The following COL11A1 variants were observed in gnomAD, a reference collection of about 807,000 sequenced individuals.
The protein encoded by COL11A1 is collagen type XI alpha 1 chain.
A neutral mutation model predicts 265.2 loss-of-function variants in COL11A1; 74 were observed. The ratio of observed to expected loss-of-function variants is 0.28; its 90% CI spans 0.23 to 0.34. COL11A1 has a LOEUF of 0.34. Among genes scored for constraint, COL11A1 ranks in the 10% least tolerant of loss-of-function variants. The probability of loss-of-function intolerance (pLI) is 1.00; values close to 1 mark genes in which losing one functional copy is unlikely to be tolerated. For synonymous variants in COL11A1, 816 were observed against 727.6 expected (o/e 1.12, Z -1.96); for missense variants, 2,165 against 2,263.6 (o/e 0.96, Z 0.88).
chr1:103,008,645 A>G, intron 14 of COL11A1, 129 bp from the exon 15 acceptor site: 1 of 834,950 alleles, frequency 1.2e-6, no homozygotes, highest in East Asian at 2.7e-5. Flanking sequence ...TTAACTTATT[A>G]ATTAACACAG....
Position 102,879,837 on chromosome 1 carries a change from C to T in COL11A1, c.5120G>A (p.Arg1707Gln), listed in dbSNP as rs751989395. 20 of 1,613,722 alleles carry T rather than the reference C, an allele frequency of 1.2e-5. No homozygotes were observed. The highest frequency in any genetic ancestry group is 5.0e-5 in the Admixed American group (3 of 59,960). The part of the protein sequence containing the change: ...TFLKLLTASA[R>Q]QNFTYHCHQS... ...ATGACAGTGGTAGGTGAAATTTTGC[C>T]GAGCAGAGGCAGTCAGAAGTTTCAG... The change falls in exon 66 of 67, where the codon CGG (arginine) becomes CAG (glutamine). Residue 1707 changes from arginine (R) to glutamine (Q), a missense_variant. Coordinates refer to ENST00000370096, the MANE Select transcript of COL11A1 (RefSeq NM_001854.4).
At chr1:103,021,678 C>A (rs1174060478) in intron 9 of COL11A1, 29 bp downstream of exon 9, 2 of 1,521,118 alleles carry the variant, frequency 1.3e-6, no homozygotes, top group Non-Finnish European at 1.8e-6. Context: ...TTTTACCAAC[C>A]TTTAAAGTGT....
chr1:103,001,638 T>C (rs1156526738), intron 24 of COL11A1: 1 of 466,500 alleles, frequency 2.1e-6, no homozygotes. Flanking sequence ...AGACCTAAAA[T>C]AAAGAGAAAA....
chr1:102,928,449 C>A (rs1570756285), intron 46 of COL11A1, among the ~76,000 whole-genome samples: 1 of 152,020 alleles, frequency 6.6e-6, no homozygotes, highest in African/African-American at 2.4e-5. Flanking sequence ...TTTATGGCTG[C>A]ATAGTATTTC....
intron 4 of COL11A1, among the ~76,000 whole-genome samples, chr1:103,045,617 T>C (rs1009839002): frequency 2.0e-5 from 3 of 152,060 alleles, no homozygotes; most frequent in Non-Finnish European, 4.4e-5. Context: ...TATTCTTTTT[T>C]TAATTTTATT....
intron 4 of COL11A1, among the ~76,000 whole-genome samples, chr1:103,042,605 G>T (rs1668899469): frequency 6.6e-6 from 1 of 152,044 alleles, no homozygotes; most frequent in African/African-American, 2.4e-5. Flanking sequence ...AAAAAGGTTG[G>T]CATTGTTTAC....
chr1:103,091,046 C>T (rs1371602891), intron 1 of COL11A1, among the ~76,000 whole-genome samples: 1 of 152,102 alleles, frequency 6.6e-6, no homozygotes, highest in Non-Finnish European at 1.5e-5. Context: ...ATGCTCAGCA[C>T]TTCATTACCC....
At chr1:102,991,855 A>G (rs1251595995) in intron 28 of COL11A1, among the ~76,000 whole-genome samples, 2 of 149,386 alleles carry the variant, frequency 1.3e-5, no homozygotes, top group African/African-American at 4.9e-5. Flanking sequence ...TTTTTTCAAG[A>G]GAAAGTCATG....
chr1:103,018,843 C>G lies in COL11A1; in HGVS notation c.1325G>C (p.Gly442Ala). Residue 442 changes from glycine to alanine, a missense_variant, in exon 10 of 67, where the codon GGA becomes GCA. Transcript: ENST00000370096. ...AVVEPGMLVE[G>A]PPGPAGPAGI... ...TGCAGGTCCTGCTGGTCCTGGTGGT[C>G]CTTCGACAAGCATACCCTATAACAG... 1 of 1,612,556 alleles carries G rather than the reference C, an allele frequency of 6.2e-7. No individual in the cohort carries two copies. Among genetic ancestry groups the G allele is most frequent in the Non-Finnish European group, 8.5e-7 (1 of 1,178,990 alleles).
At chr1:102,946,461 T>C (rs980050713) in intron 42 of COL11A1, among the ~76,000 whole-genome samples, 16 of 152,122 alleles carry the variant, frequency 1.1e-4, no homozygotes, top group African/African-American at 3.9e-4. Flanking sequence ...TGAGTCTTAT[T>C]TACAGACTAT....
chr1:102,986,501 A>C (rs1170818498), intron 30 of COL11A1, among the ~76,000 whole-genome samples: 1 of 152,062 alleles, frequency 6.6e-6, no homozygotes, highest in Admixed American at 6.5e-5. Context: ...AACATGGCAC[A>C]TGTATACATA....
intron 5 of COL11A1, among the ~76,000 whole-genome samples, chr1:103,028,080 A>G (rs928386738): frequency 9.2e-5 from 14 of 152,004 alleles, no homozygotes; most frequent in Admixed American, 2.6e-4. Context: ...CCCAGGCTGG[A>G]GTGCAAGTGG....
chr1:103,060,829 G>A (rs1442673481), intron 4 of COL11A1, among the ~76,000 whole-genome samples: 1 of 152,016 alleles, frequency 6.6e-6, no homozygotes, highest in Non-Finnish European at 1.5e-5. Flanking sequence ...GCCAGGCATG[G>A]TGGTACTGGA....
At chr1:103,103,366 G>T (rs1373690084) in intron 1 of COL11A1, among the ~76,000 whole-genome samples, 1 of 151,678 alleles carries the variant, frequency 6.6e-6, no homozygotes, top group Admixed American at 6.6e-5. Context: ...TTCAAAGTTG[G>T]ACCTAGTCTT....
intron 39 of COL11A1, 54 bp from the exon 40 acceptor site, chr1:102,962,319 A>G: frequency 2.9e-6 from 4 of 1,357,204 alleles, no homozygotes; most frequent in Non-Finnish European, 4.2e-6. Flanking sequence ...ACATCTTTCT[A>G]CAAACAAAAT....
At chr1:102,905,860 A>G (rs1287806498) in intron 54 of COL11A1, among the ~76,000 whole-genome samples, 5 of 152,132 alleles carry the variant, frequency 3.3e-5, no homozygotes, top group Non-Finnish European at 7.4e-5. Flanking sequence ...TATGTGTATC[A>G]CCCAGTTAGT....
At chr1:103,094,208 A>T (rs1192360692) in intron 1 of COL11A1, among the ~76,000 whole-genome samples, 3 of 152,126 alleles carry the variant, frequency 2.0e-5, no homozygotes, top group Non-Finnish European at 4.4e-5. Flanking sequence ...TAGACACCAC[A>T]CAAGAGTAAT....
chr1:103,026,771 G>A (rs1180947322), intron 5 of COL11A1, among the ~76,000 whole-genome samples: 4 of 152,016 alleles, frequency 2.6e-5, no homozygotes, highest in African/African-American at 7.2e-5. Flanking sequence ...TAAAAATGTA[G>A]AGAGTAGTCT....
chr1:102,990,322 A>T (rs980642813), intron 28 of COL11A1, among the ~76,000 whole-genome samples: 17 of 126,120 alleles, frequency 1.3e-4, no homozygotes, highest in African/African-American at 3.8e-4. Flanking sequence ...ATGCCTATAA[A>T]TTTTATATTG....
Sources: allele counts gnomAD v4.1 joint callset (sites outside exome capture counted in the v4.1 genomes callset), GRCh38; gene constraint gnomAD v4.1.1; transcripts MANE v1.5; gene names NCBI Gene and HGNC (gene_info 2026-07-23, HGNC 2026-07-21).